The following SCAPER variants were observed in gnomAD, a reference collection of about 807,000 sequenced individuals.
SCAPER encodes S phase cyclin A-associated protein in the endoplasmic reticulum.
A neutral mutation model predicts 182.2 loss-of-function variants in SCAPER; 98 were observed. That is an observed-to-expected ratio of 0.54 (90% confidence interval 0.46 to 0.64). The LOEUF (loss-of-function observed/expected upper bound fraction) is 0.64. Ranked by LOEUF, SCAPER falls within the 30% of genes least tolerant of loss-of-function variation. SCAPER has a pLI of 0.00. For synonymous variants in SCAPER, 605 were observed against 564.6 expected (o/e 1.07, Z -1.01); for missense variants, 1,432 against 1,690.0 (o/e 0.85, Z 2.68).
intron 1 of SCAPER, among the ~76,000 whole-genome samples, chr15:76,897,214 GA>G (rs2074488843): frequency 1.3e-5 from 2 of 152,244 alleles, no homozygotes; most frequent in South Asian, 4.2e-4. Context: ...GGATAATGGG[GA>G]ATTTTTTTGT....
intron 2 of SCAPER, among the ~76,000 whole-genome samples, chr15:76,866,818 T>C (rs190271709): frequency 4.7e-4 from 72 of 152,294 alleles, no homozygotes; most frequent in African/African-American, 1.6e-3. Flanking sequence ...ATAAAATAGA[T>C]GTCTATTTCA....
chr15:76,645,526 C>CTT (rs764750763), intron 21 of SCAPER, among the ~76,000 whole-genome samples: 1 of 141,500 alleles, frequency 7.1e-6, no homozygotes, highest in South Asian at 2.3e-4. Flanking sequence ...AAAGATCAGC[C>CTT]TTTTTTTTTT....
intron 28 of SCAPER, 22 bp downstream of exon 28, chr15:76,381,356 G>A (rs1237711836): frequency 3.8e-6 from 6 of 1,585,606 alleles, no homozygotes; most frequent in Non-Finnish European, 4.3e-6. Flanking sequence ...GGTTAACATC[G>A]ATATAAACCA....
In SCAPER at chr15:76,601,551, T is replaced by C. The variant is rs1161367043; in HGVS notation, c.2711+20213A>G. ...CTTAAATGTATAGTAGGCTACACCATCTGGGTTTGTGTATGTATACTCTGA... is the reference window on the plus strand; with the variant it reads ...CTTAAATGTATAGTAGGCTACACCACCTGGGTTTGTGTATGTATACTCTGA... On this transcript the variant is annotated intron_variant, in intron 22 of 31. Coordinates refer to ENST00000563290, the MANE Select transcript of SCAPER (RefSeq NM_020843.4). 2.5e-5 allele frequency among the ~76,000 whole-genome samples: 3 copies of C among 121,716 alleles called. 1 individual carries two copies. The Admixed American group carries it at 2.8e-4, about 11-fold the overall frequency. 79.9% of individuals were successfully genotyped at this position (121,716 alleles called of 152,430 possible).
Position 76,376,207 on chromosome 15 carries a change from G to A in SCAPER, c.3810C>T (p.Val1270=). Residue 1270 remains valine, a synonymous_variant, in exon 29 of 32, where the codon GTC becomes GTT. Coordinates refer to ENST00000563290, the MANE Select transcript of SCAPER (RefSeq NM_020843.4). ...QVSCESLLHE[V]IVCVGYFTVN... is the part of the protein sequence containing the mutation. ...CAGTGAAGTAGCCCACACAGACGAT[G>A]ACCTCATGAAGGAGGCTTTCACAGG... is the stretch of plus-strand genomic sequence containing the variant. The A allele has an allele frequency of 1.2e-6, 2 of 1,614,012 alleles. No homozygotes were observed.
At chr15:76,724,925 G>A (rs776976163) in intron 17 of SCAPER, among the ~76,000 whole-genome samples, 3 of 151,920 alleles carry the variant, frequency 2.0e-5, no homozygotes, top group Admixed American at 6.6e-5. Context: ...TTCTCTCAAC[G>A]CGTCAAAGTC....
intron 17 of SCAPER, among the ~76,000 whole-genome samples, chr15:76,726,167 A>ATATATATATATATATGT (rs1555555886): frequency 7.2e-6 from 1 of 138,082 alleles, no homozygotes; most frequent in African/African-American, 2.6e-5. Flanking sequence ...AAAACTCTAT[A>ATATATATATATATATGT]ACCCAACAAG....
chr15:76,684,170 A>G (rs1387857164), intron 20 of SCAPER, among the ~76,000 whole-genome samples: 1 of 152,142 alleles, frequency 6.6e-6, no homozygotes, highest in Non-Finnish European at 1.5e-5. Flanking sequence ...AAGTCTGCAT[A>G]ATAACCAACT....
intron 27 of SCAPER, among the ~76,000 whole-genome samples, chr15:76,403,014 T>C (rs2044575470): frequency 6.6e-6 from 1 of 152,184 alleles, no homozygotes; most frequent in Non-Finnish European, 1.5e-5. Context: ...ATTTGTGATA[T>C]TGATCTGGAT....
intron 8 of SCAPER, among the ~76,000 whole-genome samples, chr15:76,788,292 T>C (rs1429931278): frequency 6.6e-6 from 1 of 152,216 alleles, no homozygotes; most frequent in Non-Finnish European, 1.5e-5. Context: ...TATGTGTGAA[T>C]ATACTAAAAA....
At position 76,783,920 on chromosome 15, in the gene SCAPER, G is replaced by A. The variant is rs548897572; in HGVS notation, c.773-8803C>T. Among the ~76,000 whole-genome samples, 19 of 152,196 alleles carry A rather than the reference G, an allele frequency of 1.2e-4. No individual in the cohort carries two copies. The South Asian group carries it at 3.9e-3, about 32-fold the overall frequency. On this transcript the variant is annotated intron_variant, in intron 8 of 31. Transcript: ENST00000563290. Reference sequence around the variant, plus strand: ...AGAGCTATTTATGACAAACACACAGGCAATATCTCACTGAATGGGCAAAAA... The same window carrying A: ...AGAGCTATTTATGACAAACACACAGACAATATCTCACTGAATGGGCAAAAA...
At chr15:76,425,203 CAG>C (rs1381068886) in intron 26 of SCAPER, among the ~76,000 whole-genome samples, 11 of 152,336 alleles carry the variant, frequency 7.2e-5, no homozygotes, top group South Asian at 4.1e-4. Flanking sequence ...TAATATCCTG[CAG>C]AGTGTTTTCC....
chr15:76,529,584 G>A (rs539823660), intron 23 of SCAPER, among the ~76,000 whole-genome samples: 2 of 152,354 alleles, frequency 1.3e-5, no homozygotes, highest in Admixed American at 1.3e-4. Context: ...AGCGTGGTAA[G>A]AGAAGGCCTT....
At chr15:76,774,806 C>T (rs1266292162) in intron 9 of SCAPER, 49 bp downstream of exon 9, 2 of 1,546,106 alleles carry the variant, frequency 1.3e-6, no homozygotes, top group Non-Finnish European at 1.7e-6. Context: ...TACACATGTA[C>T]ACATACACCT....
chr15:76,590,742 G>A (rs992159052), intron 22 of SCAPER, among the ~76,000 whole-genome samples: 3 of 152,264 alleles, frequency 2.0e-5, no homozygotes, highest in East Asian at 3.9e-4. Flanking sequence ...GCACTTGTAT[G>A]TTTATCACAG....
At chr15:76,473,611 C>G (rs973061247) in intron 24 of SCAPER, among the ~76,000 whole-genome samples, 1 of 152,106 alleles carries the variant, frequency 6.6e-6, no homozygotes, top group African/African-American at 2.4e-5. Flanking sequence ...CACAGACCAG[C>G]AGTATTGGGA....
At chr15:76,358,405 C>T (rs1252211954) in intron 29 of SCAPER, among the ~76,000 whole-genome samples, 1 of 152,212 alleles carries the variant, frequency 6.6e-6, no homozygotes, top group East Asian at 1.9e-4. Flanking sequence ...TTGGCTTGGG[C>T]TGCCATAACA....
intron 22 of SCAPER, among the ~76,000 whole-genome samples, chr15:76,618,677 T>C (rs2051724857): frequency 6.6e-6 from 1 of 152,204 alleles, no homozygotes; most frequent in African/African-American, 2.4e-5. Flanking sequence ...TTGCTAAATA[T>C]TAAAATATTA....
chr15:76,659,009 G>A lies in SCAPER; in HGVS notation c.2645+6644C>T, dbSNP rs555610748. ...AAATACCATTCTGGAAACAGGACCTGGTAAATATTTCATGATGAAGAAGCC... is the reference window on the plus strand; with the variant it reads ...AAATACCATTCTGGAAACAGGACCTAGTAAATATTTCATGATGAAGAAGCC... On this transcript the variant is annotated intron_variant, in intron 21 of 31. Coordinates refer to ENST00000563290, the MANE Select transcript of SCAPER (RefSeq NM_020843.4). Among the ~76,000 whole-genome samples, 62 of 152,136 alleles carry A rather than the reference G, an allele frequency of 4.1e-4. No individual in the cohort carries two copies. The South Asian group carries it at 0.012, about 31-fold the overall frequency.
Sources: gnomAD v4.1 joint callset for allele counts (sites outside exome capture counted in the v4.1 genomes callset) on GRCh38, gnomAD v4.1.1 for gene constraint, MANE v1.5 for transcripts, NCBI Gene and HGNC (gene_info 2026-07-23, HGNC 2026-07-21) for gene names.